The following DIP2A variants were observed in gnomAD, a reference collection of about 807,000 sequenced individuals.
DIP2A encodes disco-interacting protein 2 homolog A.
Under a neutral mutation model 177.4 loss-of-function variants are expected in DIP2A, and 85 were observed. The observed-to-expected ratio is 0.48, with a 90% CI of 0.40 to 0.57. DIP2A has a LOEUF of 0.57. Ranked by LOEUF, DIP2A falls within the 20% of genes least tolerant of loss-of-function variation. The pLI is 0.00. For missense variants in DIP2A, 1,791 were observed against 2,100.2 expected (o/e 0.85, Z 2.88); for synonymous variants, 886 against 881.8 (o/e 1.00, Z -0.08).
chr21:46,528,449 T>G (rs1021873199), intron 8 of DIP2A, among the ~76,000 whole-genome samples: 3 of 150,596 alleles, frequency 2.0e-5, no homozygotes, highest in Admixed American at 6.6e-5. Flanking sequence ...TATACGTGTT[T>G]ATATGTGTAT....
chr21:46,532,349 A>G lies in DIP2A; in HGVS notation c.1305+112A>G, dbSNP rs1293408981. On this transcript the variant is annotated intron_variant, in intron 10 of 37. Transcript: ENST00000417564. ...AGGCAGCAAGCAGCTGTTTTGACAG[A>G]GGAGAGAAAGCTAGTAGTCAACAGG... The G allele has an allele frequency of 1.2e-5, 10 of 848,116 alleles. No individual in the cohort carries two copies. In the Admixed American group the frequency reaches 2.6e-4, roughly 22 times the overall value. The allele number at this position is 848,116 out of a possible 1,614,324, so 52.5% of individuals were successfully genotyped here. A position where few individuals can be genotyped will look rare whatever the true frequency, so the allele number is the denominator to read the frequency against.
At chr21:46,489,450 G>A (rs1465609133) in intron 2 of DIP2A, among the ~76,000 whole-genome samples, 2 of 152,188 alleles carry the variant, frequency 1.3e-5, no homozygotes, top group Non-Finnish European at 2.9e-5. Context: ...ACCCCTGCCT[G>A]TGTCTCCCTC....
Position 46,477,574 on chromosome 21 carries a change from T to TGTGTGTGTGTGTGTGTG in DIP2A, c.92-7183_92-7182insGTGTGTGTGTGTGTGTG, listed in dbSNP as rs1292980032. 9.4e-4 allele frequency among the ~76,000 whole-genome samples: 88 copies of TGTGTGTGTGTGTGTGTG among 93,682 alleles called. 1 individual carries two copies. Among genetic ancestry groups the TGTGTGTGTGTGTGTGTG allele is most frequent in the Admixed American group, 1.4e-3 (13 of 9,132 alleles). The allele number at this position is 93,682 out of a possible 152,430, so 61.5% of individuals were successfully genotyped here. A position where few individuals can be genotyped will look rare whatever the true frequency, so the allele number is the denominator to read the frequency against. On this transcript the variant is annotated intron_variant, in intron 1 of 37. Coordinates refer to ENST00000417564, the MANE Select transcript of DIP2A (RefSeq NM_015151.4). The stretch of plus-strand genomic sequence containing the variant: ...GTGTGTGTGTGTGTGTGTGTATTTC[T>TGTGTGTGTGTGTGTGTG]TTTTTTTTTTTTTTCTTGAGTCAGA...
intron 1 of DIP2A, among the ~76,000 whole-genome samples, chr21:46,464,817 CTTTTTTTTTTTTTTTTTTT>C (rs1168153777): frequency 1.4e-5 from 1 of 73,442 alleles, no homozygotes; most frequent in Non-Finnish European, 2.5e-5. Flanking sequence ...ATATTCATGT[CTTTTTTTTTTTTTTTTTTT>C]TTTTTTTTCA....
At chr21:46,554,475 C>CG in intron 26 of DIP2A, 100 bp from the exon 27 acceptor site, 3 of 1,546,284 alleles carry the variant, frequency 1.9e-6, no homozygotes, top group Non-Finnish European at 2.6e-6. Flanking sequence ...CCCATGCCCC[C>CG]CCAGCACCAC....
intron 1 of DIP2A, among the ~76,000 whole-genome samples, chr21:46,477,570 TTTC>T (rs1568928350): frequency 2.3e-5 from 3 of 127,944 alleles, no homozygotes; most frequent in Non-Finnish European, 5.0e-5. Flanking sequence ...TGTGTGTGTA[TTTC>T]TTTTTTTTTT....
At chr21:46,565,063 G>A (rs918283282) in intron 35 of DIP2A, among the ~76,000 whole-genome samples, 3 of 152,248 alleles carry the variant, frequency 2.0e-5, no homozygotes, top group Admixed American at 2.0e-4. Flanking sequence ...AACTGACCGT[G>A]GGTTCTGGAC....
intron 28 of DIP2A, among the ~76,000 whole-genome samples, chr21:46,555,282 C>T (rs2148886638): frequency 6.6e-6 from 1 of 152,374 alleles, no homozygotes; most frequent in South Asian, 2.1e-4. Flanking sequence ...ACTCCAGCAT[C>T]CCTGTCCCCA....
downstream of DIP2A, among the ~76,000 whole-genome samples, chr21:46,573,645 CAAAAAAAAAAAAAAAAAAAAAAA>C (rs201994694): frequency 0.24 from 12,587 of 53,350 alleles, 986 homozygotes; most frequent in East Asian, 0.49. Flanking sequence ...CCCTCTCTCA[CAAAAAAAAAAAAAAAAAAAAAAA>C]AAAAAAAAAA....
Position 46,498,522 on chromosome 21 carries a change from A to G in DIP2A, c.404-60A>G. On this transcript the variant is annotated intron_variant, in intron 4 of 37. Transcript: ENST00000417564. The surrounding 1 kb of genome is among the most constrained non-coding windows in gnomAD (Gnocchi z 4.3). Reference sequence around the variant, plus strand: ...CTGGGAGGCTCCAGTGTGAGTGGGAACTCCGTCCTCCTCTTGACTCATCCC... The same window carrying G: ...CTGGGAGGCTCCAGTGTGAGTGGGAGCTCCGTCCTCCTCTTGACTCATCCC... 6.5e-7 allele frequency: 1 copy of G among 1,549,260 alleles called. No homozygotes were observed. Among genetic ancestry groups the G allele is most frequent in the Non-Finnish European group, 8.7e-7 (1 of 1,146,690 alleles).
intron 6 of DIP2A, among the ~76,000 whole-genome samples, chr21:46,506,905 A>G (rs1387961362): frequency 6.7e-6 from 1 of 149,556 alleles, no homozygotes; most frequent in Non-Finnish European, 1.5e-5. Flanking sequence ...GGTTCAAGCA[A>G]TTCTCCTGCC....
chr21:46,544,892 T>C (rs1408824715), intron 18 of DIP2A, among the ~76,000 whole-genome samples: 1 of 152,198 alleles, frequency 6.6e-6, no homozygotes, highest in African/African-American at 2.4e-5. Flanking sequence ...CCGGGGCTTA[T>C]TACATGAAGG....
intron 18 of DIP2A, among the ~76,000 whole-genome samples, chr21:46,543,895 C>A (rs1265215359): frequency 6.6e-6 from 1 of 152,104 alleles, no homozygotes; most frequent in African/African-American, 2.4e-5. Flanking sequence ...TCTGCAAAGT[C>A]TTTTATCTGA....
At chr21:46,464,817 C>CTTTTTTTTTTT (rs1168153777) in intron 1 of DIP2A, among the ~76,000 whole-genome samples, 2,179 of 73,284 alleles carry the variant, frequency 0.03, 375 homozygotes, top group Admixed American at 0.04. Flanking sequence ...ATATTCATGT[C>CTTTTTTTTTTT]TTTTTTTTTT....
chr21:46,462,543 A>C (rs1018189900), intron 1 of DIP2A: 3 of 152,234 alleles, frequency 2.0e-5, no homozygotes, highest in Non-Finnish European at 4.4e-5. Flanking sequence ...TTATTTATAT[A>C]ATTAAAGGGA....
Position 46,483,339 on chromosome 21 carries a change from CAAA to C in DIP2A, c.92-1407_92-1405del, listed in dbSNP as rs201918287. Reference sequence around the variant, plus strand: ...AAATATGTCTAAAAGACACTAAATGCAAAAAAAAAAAAAGTCTGAAGAGATGGA... The same window carrying C: ...AAATATGTCTAAAAGACACTAAATGCAAAAAAAAAAGTCTGAAGAGATGGA... On this transcript the variant is annotated intron_variant, in intron 1 of 37. Coordinates refer to ENST00000417564, the MANE Select transcript of DIP2A (RefSeq NM_015151.4). Among the ~76,000 whole-genome samples, 343 of 138,296 alleles carry C rather than the reference CAAA, an allele frequency of 2.5e-3. 1 individual carries two copies. The highest frequency in any genetic ancestry group is 8.4e-3 in the African/African-American group (323 of 38,440). 90.7% of individuals were successfully genotyped at this position (138,296 alleles called of 152,430 possible).
intron 36 of DIP2A, 63 bp from the exon 37 acceptor site, chr21:46,566,497 A>T (rs2060841654): frequency 6.2e-7 from 1 of 1,607,726 alleles, no homozygotes; most frequent in African/African-American, 1.3e-5. Flanking sequence ...CTCAGAGGAT[A>T]CGAATGTCCA....
In DIP2A at chr21:46,526,397, C is replaced by CT. The variant is rs1357295827; in HGVS notation, c.1103-2680dup. On this transcript the variant is annotated intron_variant, in intron 8 of 37. Coordinates refer to ENST00000417564, the MANE Select transcript of DIP2A (RefSeq NM_015151.4). ...ATACTTTCATCAAAAACGTTCATTC[C>CT]TTTTTTTTTTTTTTTGAGACAGAGT... is the stretch of plus-strand genomic sequence containing the variant. Among the ~76,000 whole-genome samples, 1,269 of 138,976 alleles carry CT rather than the reference C, an allele frequency of 9.1e-3. 18 individuals are homozygous for CT. The highest frequency in any genetic ancestry group is 0.026 in the African/African-American group (974 of 38,094). 91.2% of individuals were successfully genotyped at this position (138,976 alleles called of 152,430 possible). A position where few individuals can be genotyped will look rare whatever the true frequency, so the allele number is the denominator to read the frequency against.
chr21:46,555,998 G>A lies in DIP2A; in HGVS notation c.3405G>A (p.Lys1135=). The A allele has an allele frequency of 6.2e-7, 1 of 1,613,752 alleles. No individual in the cohort carries two copies. The highest frequency in any genetic ancestry group is 8.5e-7 in the Non-Finnish European group (1 of 1,179,722). ...GTTTAACAGATGACATCCCAAAAAA[G>A]AAGATAGCAAGCGTTTTCAGGCCCC... ...TILDTDDIPK[K]KIASVFRPPS... is the part of the protein sequence containing the mutation. The change falls in exon 29 of 38, where the codon AAG becomes AAA. Residue 1135 remains lysine (K), a synonymous_variant. Transcript: ENST00000417564.
Sources: allele counts gnomAD v4.1 joint callset (sites outside exome capture counted in the v4.1 genomes callset), GRCh38; gene constraint gnomAD v4.1.1; non-coding constraint Gnocchi (gnomAD v3.1); transcripts MANE v1.5; gene names NCBI Gene and HGNC (gene_info 2026-07-23, HGNC 2026-07-21).